Variants in ALMS1 observed in about 807,000 individuals in gnomAD.
ALMS1 encodes ALMS1 centrosome and basal body associated protein.
In ALMS1, 271 loss-of-function variants were observed where a neutral mutation model predicts 352.2. The ratio of observed to expected loss-of-function variants is 0.77; its 90% CI spans 0.70 to 0.85. The LOEUF (loss-of-function observed/expected upper bound fraction) is 0.85, where lower values mean the gene tolerates loss of function less well. Among genes scored for constraint, ALMS1 ranks in the 40% least tolerant of loss-of-function variants. The pLI, the probability that ALMS1 is intolerant of heterozygous loss-of-function variation, is 0.00. For missense variants in ALMS1, 5,445 were observed against 4,870.7 expected, an observed-to-expected ratio of 1.12 and a Z score of -3.51; for synonymous variants, 1,865 against 1,761.2, an observed-to-expected ratio of 1.06 and a Z score of -1.48.
At chr2:73,484,759 A>T (rs1023523135) in intron 9 of ALMS1, among the ~76,000 whole-genome samples, 2 of 152,186 alleles carry the variant, frequency 1.3e-5, no homozygotes, top group East Asian at 3.8e-4. Context: ...TATTTCTTGG[A>T]GGCTTTGCTC....
intron 1 of ALMS1, among the ~76,000 whole-genome samples, chr2:73,402,377 G>A (rs909063079): frequency 1.3e-5 from 2 of 148,506 alleles, no homozygotes; most frequent in South Asian, 2.1e-4. Context: ...GAGTTCAAGC[G>A]ATTCTTGTGT....
intron 10 of ALMS1, among the ~76,000 whole-genome samples, chr2:73,511,507 A>G (rs1376657125): frequency 1.3e-5 from 2 of 152,032 alleles, no homozygotes; most frequent in Non-Finnish European, 2.9e-5. Flanking sequence ...CCCACTGTCT[A>G]ACCAGTCTCA....
At chr2:73,508,767 G>A (rs1407544893) in intron 10 of ALMS1, among the ~76,000 whole-genome samples, 1 of 152,076 alleles carries the variant, frequency 6.6e-6, no homozygotes, top group Non-Finnish European at 1.5e-5. Context: ...TTCAAGTCCT[G>A]AATATCCTTG....
rs1060503816 is a variant in ALMS1, at chr2:73,451,426, A to G, written c.4899A>G (p.Leu1633=). The G allele has an allele frequency of 4.3e-6, 7 of 1,613,988 alleles. No homozygotes were observed. The highest frequency in any genetic ancestry group is 5.1e-6 in the Non-Finnish European group (6 of 1,179,972). ...TTACTTTCTACCGGCAGGCTCTGCT[A>G]GACAGTCCTCTAAATAAAGAGGTTG... ...KPITFYRQAL[L]DSPLNKEVVK... Residue 1633 remains leucine (L), a synonymous_variant, in exon 8 of 23, where the codon CTA becomes CTG. Transcript: ENST00000613296.
At chr2:73,466,054 A>G (rs1053679005) in intron 9 of ALMS1, among the ~76,000 whole-genome samples, 5 of 152,218 alleles carry the variant, frequency 3.3e-5, no homozygotes, top group Non-Finnish European at 7.3e-5. Flanking sequence ...AACTAGTTCA[A>G]CCACTGTGGA....
At position 73,490,182 on chromosome 2, in the gene ALMS1, G is replaced by T. The variant is rs1355869476; in HGVS notation, c.8223G>T (p.Gln2741His). The T allele has an allele frequency of 1.2e-6, 2 of 1,614,202 alleles. No individual in the cohort carries two copies. Among genetic ancestry groups the T allele is most frequent in the Non-Finnish European group, 8.5e-7 (1 of 1,180,032 alleles). ...VVKVGVTEGS[Q>H]CTGASVGVFN... Reference sequence around the variant, plus strand: ...AGGTTGGTGTTACTGAAGGTAGCCAGTGTACTGGAGCATCTGTGGGGGTAT... The same window carrying T: ...AGGTTGGTGTTACTGAAGGTAGCCATTGTACTGGAGCATCTGTGGGGGTAT... Residue 2741 changes from glutamine to histidine, a missense_variant, in exon 10 of 23, where the codon CAG (glutamine) becomes CAT (histidine). By Grantham distance (24) the Gln-to-His change is conservative (BLOSUM62 0). Transcript: ENST00000613296.
chr2:73,599,412 T>A lies in ALMS1; in HGVS notation c.11559T>A (p.His3853Gln), dbSNP rs186141821. ...TTTTATTTTTCTAGGTAGCAAACCATGTGATTTCTTCTGACTCTATTTCCT... is the reference window on the plus strand; with the variant it reads ...TTTTATTTTTCTAGGTAGCAAACCAAGTGATTTCTTCTGACTCTATTTCCT... ...TRRRHIQVAN[H>Q]VISSDSISSS... The change falls in exon 17 of 23, where the codon CAT (histidine) becomes CAA (glutamine). Residue 3853 changes from histidine (H) to glutamine (Q), a missense_variant. Physicochemically the swap from His to Gln is conservative, Grantham distance 24 (BLOSUM62 0). Coordinates refer to ENST00000613296, the MANE Select transcript of ALMS1 (RefSeq NM_001378454.1). 31 of 1,613,252 alleles carry A rather than the reference T, an allele frequency of 1.9e-5. 1 individual carries two copies. In the East Asian group the frequency reaches 6.9e-4, roughly 36 times the overall value.
chr2:73,603,318 AAC>A lies in ALMS1; in HGVS notation c.12362+16_12362+17del, dbSNP rs563514664. ...GAGGTCCAAACGGTAAGACCAAGAA[AAC>A]AAGAGTACGTATACAAGTGTAAACC... On this transcript the variant is annotated intron_variant, in intron 21 of 22. Transcript: ENST00000613296. The A allele has an allele frequency of 8.1e-4, 1,310 of 1,613,466 alleles. 13 individuals are homozygous for A. In the African/African-American group the frequency reaches 0.016, roughly 20 times the overall value.
chr2:73,476,971 C>G (rs554119354), intron 9 of ALMS1, among the ~76,000 whole-genome samples: 2 of 152,092 alleles, frequency 1.3e-5, no homozygotes, highest in Non-Finnish European at 2.9e-5. Flanking sequence ...TACATTGTTT[C>G]ACTTAAAGGT....
At chr2:73,393,633 T>G (rs889636448) in intron 1 of ALMS1, among the ~76,000 whole-genome samples, 3 of 152,120 alleles carry the variant, frequency 2.0e-5, no homozygotes, top group African/African-American at 7.2e-5. Flanking sequence ...GTTGTTTAGC[T>G]CCCACTTGGA....
At chr2:73,586,049 C>T (rs1363084555) in intron 16 of ALMS1, among the ~76,000 whole-genome samples, 4 of 152,120 alleles carry the variant, frequency 2.6e-5, no homozygotes, top group Non-Finnish European at 4.4e-5. Flanking sequence ...CATGAACCAT[C>T]GCACCTAGCC....
chr2:73,556,738 T>G (rs552325826), intron 13 of ALMS1, among the ~76,000 whole-genome samples: 6 of 152,154 alleles, frequency 3.9e-5, no homozygotes, highest in Admixed American at 3.3e-4. Flanking sequence ...AGAGTCTCAC[T>G]GTCGCCCCGG....
intron 16 of ALMS1, among the ~76,000 whole-genome samples, chr2:73,589,736 T>TA (rs568205189): frequency 6.6e-6 from 1 of 152,200 alleles, no homozygotes; most frequent in Non-Finnish European, 1.5e-5. Context: ...TCTACCCACT[T>TA]ACGCATGAAC....
chr2:73,455,332 G>C, intron 9 of ALMS1, 37 bp downstream of exon 9: 2 of 1,610,836 alleles, frequency 1.2e-6, no homozygotes, highest in South Asian at 1.1e-5. Context: ...AAGTAAATAT[G>C]AAAGAATGGG....
intron 21 of ALMS1, chr2:73,603,518 A>G (rs1675747033): frequency 3.6e-6 from 2 of 552,726 alleles, no homozygotes; most frequent in South Asian, 2.0e-5. Flanking sequence ...ACTTCTCACT[A>G]ATTTGCATGT....
chr2:73,393,885 A>G (rs1670703138), intron 1 of ALMS1, among the ~76,000 whole-genome samples: 4 of 150,820 alleles, frequency 2.7e-5, no homozygotes, highest in South Asian at 4.2e-4. Flanking sequence ...CAGTGGTGCA[A>G]TCTCGGCTCA....
chr2:73,448,660 ACT>A lies in ALMS1; in HGVS notation c.2138_2139del (p.Ser713TyrfsTer6), dbSNP rs387906313. 6.8e-6 allele frequency: 11 copies of A among 1,613,334 alleles called. No homozygotes were observed. The highest frequency in any genetic ancestry group is 8.5e-6 in the Non-Finnish European group (10 of 1,179,770). ...ADQKTGTATV[L>X]STPHSHREKP... ...ACCAGAAGACTGGGACAGCAACAGTACTCTCTACTCCCCACTCACATAGAGAG... is the reference window on the plus strand; with the variant it reads ...ACCAGAAGACTGGGACAGCAACAGTACTCTACTCCCCACTCACATAGAGAG... On this transcript the variant is annotated frameshift_variant, in exon 8 of 23. Coordinates refer to ENST00000613296, the MANE Select transcript of ALMS1 (RefSeq NM_001378454.1). LOFTEE classifies it high-confidence loss of function.
rs768471282 is a variant in ALMS1 at position 73,452,817 on chromosome 2, A to G, written c.6290A>G (p.His2097Arg). 6.2e-7 allele frequency: 1 copy of G among 1,613,792 alleles called. No individual in the cohort carries two copies. The highest frequency in any genetic ancestry group is 1.1e-5 in the South Asian group (1 of 91,074). ...KPVSLSSSYF[H>R]REKSNIFSPQ... ...GTATCTCTCTCTAGTTCTTATTTTCACAGAGAGAAATCGAATATTTTCAGT... is the reference window on the plus strand; with the variant it reads ...GTATCTCTCTCTAGTTCTTATTTTCGCAGAGAGAAATCGAATATTTTCAGT... Residue 2097 changes from histidine (H) to arginine (R), a missense_variant, in exon 8 of 23, where the codon CAC becomes CGC. Coordinates refer to ENST00000613296, the MANE Select transcript of ALMS1 (RefSeq NM_001378454.1).
intron 13 of ALMS1, among the ~76,000 whole-genome samples, chr2:73,556,403 G>A (rs1674542792): frequency 6.6e-6 from 1 of 152,044 alleles, no homozygotes. Flanking sequence ...GATCAAAAAA[G>A]TAGAAAAGAG....
Sources: gnomAD v4.1 joint callset for allele counts (sites outside exome capture counted in the v4.1 genomes callset) on GRCh38, gnomAD v4.1.1 for gene constraint, MANE v1.5 for transcripts, NCBI Gene and HGNC (gene_info 2026-07-23, HGNC 2026-07-21) for gene names.